RARA: variants seen among roughly 807,000 people sequenced by gnomAD.
The protein encoded by RARA is PML-DDX5-RARA fusion.
In RARA, 5 loss-of-function variants were observed where a neutral mutation model predicts 42.8. The observed-to-expected ratio is 0.12, with a 90% confidence interval of 0.06 to 0.25. RARA has a LOEUF of 0.25. Among genes scored for constraint, RARA ranks in the 10% least tolerant of loss-of-function variants. The pLI is 1.00. For missense variants in RARA, 402 were observed against 628.7 expected (o/e 0.64, Z 3.86); for synonymous variants, 256 against 259.5 (o/e 0.99, Z 0.13).
At chr17:40,331,534 C>A in intron 2 of RARA, 138 bp downstream of exon 2, 1 of 1,111,572 alleles carries the variant, frequency 9.0e-7, no homozygotes, top group Non-Finnish European at 1.2e-6. Flanking sequence ...TTGGGGTGAC[C>A]ATCATTTGAG....
At chr17:40,324,231 C>T (rs2033474045) in intron 1 of RARA, among the ~76,000 whole-genome samples, 3 of 152,224 alleles carry the variant, frequency 2.0e-5, no homozygotes, top group South Asian at 4.1e-4. Context: ...GAGCTGCCTG[C>T]GTATGGTCCA....
At chr17:40,342,970 T>A in intron 2 of RARA, 1 of 1,488,172 alleles carries the variant, frequency 6.7e-7, no homozygotes, top group Non-Finnish European at 8.9e-7. Flanking sequence ...GTGGAGGTCC[T>A]GTCTCTACCT....
At chr17:40,333,357 T>A (rs1450901099) in intron 2 of RARA, among the ~76,000 whole-genome samples, 1 of 152,198 alleles carries the variant, frequency 6.6e-6, no homozygotes, top group Non-Finnish European at 1.5e-5. Context: ...CATTTTTATG[T>A]TTTAAGACAG....
chr17:40,348,503 G>C (rs1162528425), intron 3 of RARA, 39 bp downstream of exon 3: 1 of 1,597,326 alleles, frequency 6.3e-7, no homozygotes, highest in South Asian at 1.1e-5. Context: ...AGCTTGATGA[G>C]GTCAATGGGA....
At chr17:40,350,163 C>T (rs962845782) in intron 4 of RARA, 2 of 544,626 alleles carry the variant, frequency 3.7e-6, no homozygotes, top group Non-Finnish European at 6.5e-6. Context: ...TGTAACCATT[C>T]CTGTTTCTGC....
At chr17:40,341,706 T>C (rs989972953) in intron 2 of RARA, 2 of 1,327,928 alleles carry the variant, frequency 1.5e-6, no homozygotes, top group East Asian at 3.1e-5. Context: ...CCGGCCTGGG[T>C]GGGGGTGTGT....
chr17:40,310,558 A>G (rs908881163), intron 1 of RARA, among the ~76,000 whole-genome samples: 4 of 152,054 alleles, frequency 2.6e-5, no homozygotes, highest in Admixed American at 1.3e-4. Flanking sequence ...GGTTGGTTTT[A>G]GAGGACAGGG....
chr17:40,316,820 G>A (rs1359658100), intron 1 of RARA, among the ~76,000 whole-genome samples: 4 of 152,180 alleles, frequency 2.6e-5, no homozygotes, highest in Non-Finnish European at 4.4e-5. Flanking sequence ...AGGGCGGGAG[G>A]GGCTGGGCGG....
intron 2 of RARA, among the ~76,000 whole-genome samples, chr17:40,337,290 G>A (rs922734112): frequency 3.9e-5 from 6 of 152,178 alleles, no homozygotes; most frequent in Non-Finnish European, 8.8e-5. Context: ...TGGGGGGTGG[G>A]GCTTAGTGCT....
rs1385756715 is a variant in RARA, at chr17:40,330,386, G to A, written c.-362-471G>A. ...GGGGTGCTGGGGCTTGGATCTGGGG[G>A]GGAAGTGGTGTAAGAGGGGCCCCCT... On this transcript the variant is annotated intron_variant, in intron 1 of 8. Transcript: ENST00000254066. Among the ~76,000 whole-genome samples the A allele has an allele frequency of 3.3e-5, 5 of 152,142 alleles. 1 individual carries two copies. Among genetic ancestry groups the A allele is most frequent in the South Asian group, 4.1e-4 (2 of 4,832 alleles).
chr17:40,342,886 G>T lies in RARA; in HGVS notation c.179-5430G>T, dbSNP rs774788037. The T allele has an allele frequency of 1.9e-6, 3 of 1,604,290 alleles. No individual in the cohort carries two copies. In the Admixed American group the frequency reaches 5.0e-5, roughly 27 times the overall value. On this transcript the variant is annotated intron_variant, in intron 2 of 8. Transcript: ENST00000254066. ...AACCACTGTACGTACCGGCCTCTCA[G>T]TCTGCTGTTGTAGGGGGTGGGAGTG...
rs906899862 is a variant in RARA at position 40,356,633 on chromosome 17, T to TC, written c.*413dup. Reference sequence around the variant, plus strand: ...GCTCCCCAGCTGGGGAACCTCAACCTCCCCCCTGCCTCGGTTGGTGACAGA... The same window carrying TC: ...GCTCCCCAGCTGGGGAACCTCAACCTCCCCCCCTGCCTCGGTTGGTGACAGA... On this transcript the variant is annotated 3_prime_UTR_variant, in exon 9 of 9. Transcript: ENST00000254066. 8.7e-6 allele frequency: 4 copies of TC among 458,616 alleles called. No homozygotes were observed. In the East Asian group the frequency reaches 1.8e-4, roughly 21 times the overall value. 28.4% of individuals were successfully genotyped at this position (458,616 alleles called of 1,614,324 possible).
At chr17:40,346,550 G>A (rs930500260) in intron 2 of RARA, among the ~76,000 whole-genome samples, 5 of 150,012 alleles carry the variant, frequency 3.3e-5, no homozygotes, top group African/African-American at 1.2e-4. Context: ...TATTGTTACT[G>A]CTTTTACGTC....
chr17:40,349,866 G>A lies in RARA; in HGVS notation c.410G>A (p.Arg137Gln), dbSNP rs1233921646. 6.2e-7 allele frequency: 1 copy of A among 1,614,098 alleles called. No homozygotes were observed. The highest frequency in any genetic ancestry group is 1.3e-5 in the African/African-American group (1 of 74,914). The change falls in exon 4 of 9, where the codon CGG (arginine) becomes CAG (glutamine). Residue 137 changes from arginine to glutamine, a missense_variant. This residue lies in a region of RARA where 130 missense variants were observed against 267.9 expected (regional missense o/e 0.49). Transcript: ENST00000254066. ...AACTGCATCATCAACAAGGTGACCC[G>A]GAACCGCTGCCAGTACTGCCGACTG... ...DKNCIINKVT[R>Q]NRCQYCRLQK...
intron 1 of RARA, among the ~76,000 whole-genome samples, chr17:40,311,773 C>A (rs1567741469): frequency 6.6e-6 from 1 of 152,128 alleles, no homozygotes; most frequent in Admixed American, 6.5e-5. Context: ...GTGGGGAGGG[C>A]CTTCCCCTAG....
intron 1 of RARA, among the ~76,000 whole-genome samples, chr17:40,309,922 C>T (rs2033064800): frequency 6.6e-6 from 1 of 152,176 alleles, no homozygotes; most frequent in Non-Finnish European, 1.5e-5. Context: ...GCTGCAGAAG[C>T]CCCCCGACCC....
rs2033680979 is a variant in RARA, at chr17:40,331,196, C to T, written c.-23C>T. ...AGCCCCCTGCCAGACTGTCTGCCTC[C>T]CTTCTGACTGTGGCCGCTTGGCATG... is the stretch of plus-strand genomic sequence containing the variant. On this transcript the variant is annotated 5_prime_UTR_variant, in exon 2 of 9. Coordinates refer to ENST00000254066, the MANE Select transcript of RARA (RefSeq NM_000964.4). The T allele has an allele frequency of 1.3e-6, 2 of 1,596,730 alleles. No homozygotes were observed. The highest frequency in any genetic ancestry group is 1.7e-6 in the Non-Finnish European group (2 of 1,172,996).
intron 1 of RARA, among the ~76,000 whole-genome samples, chr17:40,327,209 G>A (rs897205811): frequency 6.6e-6 from 1 of 152,166 alleles, no homozygotes; most frequent in African/African-American, 2.4e-5. Context: ...TCTCTTCTCT[G>A]GGAGCAAGGG....
intron 2 of RARA, among the ~76,000 whole-genome samples, chr17:40,346,322 C>T (rs961271287): frequency 2.6e-5 from 4 of 152,042 alleles, no homozygotes; most frequent in African/African-American, 9.7e-5. Flanking sequence ...CCAAAGCTCC[C>T]TCAGTCCTTT....
Sources: gnomAD v4.1 joint callset for allele counts (sites outside exome capture counted in the v4.1 genomes callset) on GRCh38, gnomAD v4.1.1 for gene constraint, gnomAD v4.1.1 regional missense constraint, MANE v1.5 for transcripts, NCBI Gene and HGNC (gene_info 2026-07-23, HGNC 2026-07-21) for gene names.